Variants in SLC2A9 observed in about 807,000 individuals in gnomAD.
The protein encoded by SLC2A9 is solute carrier family 2, facilitated glucose transporter member 9.
SLC2A9 carries 39 observed loss-of-function variants against 50.6 expected under a neutral mutation model. That is an observed-to-expected ratio of 0.77 (90% CI 0.60 to 1.01). The LOEUF is 1.01. SLC2A9 is among the 50% of genes least tolerant of loss of function. The pLI is 0.00. For missense variants in SLC2A9, 686 were observed against 677.6 expected, an observed-to-expected ratio of 1.01 and a Z score of -0.14; for synonymous variants, 324 against 276.9, an observed-to-expected ratio of 1.17 and a Z score of -1.69.
intron 4 of SLC2A9, among the ~76,000 whole-genome samples, chr4:9,981,297 ATAGTGATGGTGGCGATGG>A (rs1439259176): frequency 3.1e-4 from 47 of 150,264 alleles, no homozygotes; most frequent in Middle Eastern, 3.5e-3. Flanking sequence ...AATGGTTATG[ATAGTGATGGTGGCGATGG>A]TGGTGATAGT....
intron 10 of SLC2A9, chr4:9,880,687 C>T (rs1735053416): frequency 2.4e-6 from 1 of 414,992 alleles, no homozygotes; most frequent in Admixed American, 6.4e-5. Flanking sequence ...ACAATGCTGA[C>T]ATTTACCGTT....
intron 3 of SLC2A9, among the ~76,000 whole-genome samples, chr4:9,792,475 C>A (rs1163431001): frequency 6.6e-6 from 1 of 152,008 alleles, no homozygotes. Flanking sequence ...AGGTAGGAGC[C>A]ACTGTGTCTG....
intron 8 of SLC2A9, among the ~76,000 whole-genome samples, chr4:9,896,574 C>T (rs1738598547): frequency 6.6e-6 from 1 of 152,156 alleles, no homozygotes; most frequent in African/African-American, 2.4e-5. Context: ...CTTAACAATA[C>T]CTTTTAAATA....
chr4:10,031,411 C>A lies in SLC2A9; in HGVS notation c.-40-5405G>T, dbSNP rs112395808. On this transcript the variant is annotated intron_variant, in intron 1 of 12. Transcript: ENST00000309065. Reference sequence around the variant, plus strand: ...GTTTGAAAACAGGCTGCATTATTTACGGATCCAATCGAATTAGCTTGCAAT... The same window carrying A: ...GTTTGAAAACAGGCTGCATTATTTAAGGATCCAATCGAATTAGCTTGCAAT... Among the ~76,000 whole-genome samples the A allele has an allele frequency of 3.3e-3, 508 of 152,332 alleles. 2 individuals carry two copies. The highest frequency in any genetic ancestry group is 3.9e-3 in the Non-Finnish European group (266 of 68,034).
chr4:10,008,230 AAATT>A (rs1761130757), intron 2 of SLC2A9, among the ~76,000 whole-genome samples: 1 of 152,198 alleles, frequency 6.6e-6, no homozygotes, highest in Non-Finnish European at 1.5e-5. Flanking sequence ...TGAAATGAGA[AAATT>A]CTATATCAAA....
intron 6 of SLC2A9, among the ~76,000 whole-genome samples, chr4:9,933,227 C>T (rs983974090): frequency 1.3e-5 from 2 of 152,170 alleles, no homozygotes; most frequent in Admixed American, 6.5e-5. Context: ...AACTCAGCCT[C>T]GGCAAAGAGG....
intron 5 of SLC2A9, among the ~76,000 whole-genome samples, chr4:9,973,717 G>C (rs1163584336): frequency 4.6e-5 from 5 of 107,834 alleles, no homozygotes; most frequent in Admixed American, 3.4e-4. Context: ...GTTGTGGGGT[G>C]GGGGGAGGGG....
At chr4:9,859,112 A>C (rs183454154) in intron 10 of SLC2A9, among the ~76,000 whole-genome samples, 11 of 152,256 alleles carry the variant, frequency 7.2e-5, no homozygotes, top group Non-Finnish European at 1.3e-4. Flanking sequence ...GAACTGATCC[A>C]CCACTGGCTT....
At chr4:9,803,764 G>T (rs60930808) in intron 3 of SLC2A9, among the ~76,000 whole-genome samples, 145 of 152,270 alleles carry the variant, frequency 9.5e-4, no homozygotes, top group African/African-American at 3.4e-3. Flanking sequence ...TTTAATTATG[G>T]TGTCCTCAGT....
At chr4:9,841,967 C>G (rs921753898) in intron 10 of SLC2A9, among the ~76,000 whole-genome samples, 1 of 152,326 alleles carries the variant, frequency 6.6e-6, no homozygotes, top group East Asian at 1.9e-4. Context: ...AAATCTCCTT[C>G]TCTGGTCAGT....
At chr4:9,941,857 T>G (rs1488819700) in intron 6 of SLC2A9, 56 bp downstream of exon 6, 1 of 1,611,160 alleles carries the variant, frequency 6.2e-7, no homozygotes, top group Non-Finnish European at 8.5e-7. Flanking sequence ...CAGCATGCCT[T>G]GCAGTGATGA....
At chr4:9,888,764 G>C (rs1736775077) in intron 9 of SLC2A9, among the ~76,000 whole-genome samples, 3 of 152,166 alleles carry the variant, frequency 2.0e-5, no homozygotes, top group Admixed American at 2.0e-4. Flanking sequence ...AAACAGTCTG[G>C]AGTGGAGGGC....
chr4:9,978,430 C>A (rs918012831), intron 5 of SLC2A9, among the ~76,000 whole-genome samples: 4 of 152,196 alleles, frequency 2.6e-5, no homozygotes, highest in African/African-American at 9.7e-5. Context: ...TTTAGCTCTA[C>A]TGAGGTAAAT....
chr4:9,942,060 G>A lies in SLC2A9; in HGVS notation c.682-15C>T, dbSNP rs1397512167. The A allele has an allele frequency of 6.2e-7, 1 of 1,613,916 alleles. No individual in the cohort carries two copies. Among genetic ancestry groups the A allele is most frequent in the East Asian group, 2.2e-5 (1 of 44,852 alleles). On this transcript the variant is annotated splice_polypyrimidine_tract_variant and intron_variant, in intron 5 of 11. Transcript: ENST00000264784. ...CAGGTACTCTCCTGTGGGAGAAGGA[G>A]ATGCTGCTGAGTGCAGTGGCCTTTG...
intron 3 of SLC2A9, among the ~76,000 whole-genome samples, chr4:9,986,997 T>A (rs1390321407): frequency 6.6e-6 from 1 of 152,244 alleles, no homozygotes; most frequent in Non-Finnish European, 1.5e-5. Context: ...TAGACCCTGC[T>A]TTAAGTACTT....
downstream of SLC2A9, among the ~76,000 whole-genome samples, chr4:9,824,264 C>T (rs777307172): frequency 6.6e-5 from 10 of 151,552 alleles, no homozygotes; most frequent in Admixed American, 4.6e-4. Context: ...AGAAGGCACT[C>T]GTCAGATGTC....
At position 9,952,250 on chromosome 4, in the gene SLC2A9, G is replaced by A. The variant is rs76663193; in HGVS notation, c.682-10205C>T. On this transcript the variant is annotated intron_variant, in intron 5 of 11. Transcript: ENST00000264784. ...AATATCATGTTGAATTATAATCGCC[G>A]ATGTTGGAGGTGGGGCTTGGTGGAA... Among the ~76,000 whole-genome samples, 1,459 of 152,274 alleles carry A rather than the reference G, an allele frequency of 9.6e-3. 26 individuals are homozygous for A. The highest frequency in any genetic ancestry group is 0.034 in the African/African-American group (1,401 of 41,540).
At chr4:9,819,920 C>T (rs998914987) in intron 3 of SLC2A9, among the ~76,000 whole-genome samples, 3 of 152,186 alleles carry the variant, frequency 2.0e-5, no homozygotes, top group East Asian at 1.9e-4. Context: ...GGTGACAGAG[C>T]GAGACTCCGT....
chr4:9,964,940 A>G (rs186195502), intron 5 of SLC2A9, among the ~76,000 whole-genome samples: 1 of 152,284 alleles, frequency 6.6e-6, no homozygotes, highest in East Asian at 1.9e-4. Flanking sequence ...CGGAGTAATT[A>G]TCACCCCGCT....
Sources: allele counts gnomAD v4.1 joint callset (sites outside exome capture counted in the v4.1 genomes callset), GRCh38; gene constraint gnomAD v4.1.1; transcripts MANE v1.5; gene names NCBI Gene and HGNC (gene_info 2026-07-23, HGNC 2026-07-21).